Variants in ZNF438 observed in about 807,000 individuals in gnomAD.
The protein encoded by ZNF438 is zinc finger protein 438.
In ZNF438, 25 loss-of-function variants were observed where a neutral mutation model predicts 38.0. The observed-to-expected ratio is 0.66, with a 90% confidence interval of 0.48 to 0.92. ZNF438 has a LOEUF of 0.92. Among genes scored for constraint, ZNF438 ranks in the 40% least tolerant of loss-of-function variants. The pLI is 0.00. For missense variants in ZNF438, 1,007 were observed against 999.6 expected, an observed-to-expected ratio of 1.01 and a Z score of -0.10; for synonymous variants, 372 against 364.1, an observed-to-expected ratio of 1.02 and a Z score of -0.25.
intron 2 of ZNF438, among the ~76,000 whole-genome samples, chr10:30,916,976 A>G (rs2043707793): frequency 6.6e-6 from 1 of 152,076 alleles, no homozygotes; most frequent in African/African-American, 2.4e-5. Flanking sequence ...TGATTTTTAA[A>G]GCTCTTTTTT....
chr10:30,950,655 G>C (rs965795365), intron 1 of ZNF438, among the ~76,000 whole-genome samples: 4 of 148,402 alleles, frequency 2.7e-5, no homozygotes, highest in African/African-American at 1.0e-4. Flanking sequence ...TAGAAGAAAT[G>C]GATAAATTCC....
chr10:30,996,371 T>C (rs1210190250), intron 1 of ZNF438, among the ~76,000 whole-genome samples: 4 of 152,060 alleles, frequency 2.6e-5, no homozygotes, highest in Non-Finnish European at 5.9e-5. Context: ...AGAAGACACA[T>C]TTTAGGTTCA....
intron 1 of ZNF438, among the ~76,000 whole-genome samples, chr10:30,998,542 A>G (rs2054306795): frequency 1.5e-4 from 1 of 6,782 alleles, no homozygotes; most frequent in South Asian, 6.4e-3. Flanking sequence ...GACTGTCTCA[A>G]AAAAAAAAAA....
chr10:30,989,944 A>T (rs2132485906), intron 1 of ZNF438, among the ~76,000 whole-genome samples: 1 of 152,344 alleles, frequency 6.6e-6, no homozygotes, highest in Middle Eastern at 3.4e-3. Flanking sequence ...GCTGAGAGAA[A>T]ACATGATCAC....
intron 1 of ZNF438, among the ~76,000 whole-genome samples, chr10:30,979,001 C>A (rs1414958382): frequency 6.6e-6 from 1 of 151,136 alleles, no homozygotes; most frequent in African/African-American, 2.4e-5. Flanking sequence ...TATGCTAGGG[C>A]CATGAATAAT....
At chr10:30,975,953 A>C (rs1424644211) in intron 1 of ZNF438, among the ~76,000 whole-genome samples, 1 of 152,050 alleles carries the variant, frequency 6.6e-6, no homozygotes. Flanking sequence ...TATTAATGAA[A>C]ACAGAGAAGC....
At chr10:30,869,814 A>G (rs1033211043) in intron 4 of ZNF438, among the ~76,000 whole-genome samples, 4 of 152,226 alleles carry the variant, frequency 2.6e-5, no homozygotes, top group African/African-American at 9.6e-5. Context: ...TGAATATCAC[A>G]TATTTGGAAA....
At chr10:30,856,052 G>A (rs2034570337) in intron 4 of ZNF438, among the ~76,000 whole-genome samples, 1 of 152,218 alleles carries the variant, frequency 6.6e-6, no homozygotes, top group Non-Finnish European at 1.5e-5. Flanking sequence ...TTAAAAAGCA[G>A]TATCTTTTGG....
At chr10:30,940,811 CACAA>C (rs1284173313) in intron 2 of ZNF438, among the ~76,000 whole-genome samples, 4 of 152,120 alleles carry the variant, frequency 2.6e-5, no homozygotes, top group African/African-American at 9.7e-5. Flanking sequence ...AGATTTTTTA[CACAA>C]ACAGTTAATA....
chr10:30,875,337 A>G (rs777369187), intron 4 of ZNF438: 53 of 985,320 alleles, frequency 5.4e-5, no homozygotes, highest in Non-Finnish European at 6.3e-5. Context: ...TCACCTTTTT[A>G]GAGCCTGAAA....
chr10:30,871,367 T>G (rs1039243289), intron 4 of ZNF438, among the ~76,000 whole-genome samples: 2 of 152,214 alleles, frequency 1.3e-5, no homozygotes, highest in Non-Finnish European at 2.9e-5. Flanking sequence ...ACAGGTGTGA[T>G]TGATTTATAA....
exon 5 of ZNF438, chr10:30,848,706 T>A (rs1486626725): frequency 6.2e-7 from 1 of 1,613,998 alleles, no homozygotes; most frequent in Admixed American, 1.7e-5. Flanking sequence ...TCACAACACA[T>A]GAGTTTCTTC....
At chr10:30,956,457 T>G (rs77215923) in intron 1 of ZNF438, among the ~76,000 whole-genome samples, 12 of 152,208 alleles carry the variant, frequency 7.9e-5, no homozygotes, top group Non-Finnish European at 2.9e-5. Context: ...TTTTGAAATA[T>G]GTTATTATTA....
intron 3 of ZNF438, among the ~76,000 whole-genome samples, chr10:30,906,160 A>G (rs747237579): frequency 1.5e-4 from 23 of 152,182 alleles, no homozygotes; most frequent in Admixed American, 3.3e-4. Context: ...GTGTATTACT[A>G]TCTTAACAAT....
At chr10:30,979,592 C>A (rs2051863418) in intron 1 of ZNF438, among the ~76,000 whole-genome samples, 2 of 152,158 alleles carry the variant, frequency 1.3e-5, no homozygotes, top group African/African-American at 4.8e-5. Flanking sequence ...AGAACAGAGG[C>A]CTCAGAAATA....
At chr10:31,013,749 CTT>C (rs2055945946) in intron 1 of ZNF438, among the ~76,000 whole-genome samples, 1 of 152,148 alleles carries the variant, frequency 6.6e-6, no homozygotes, top group Non-Finnish European at 1.5e-5. Flanking sequence ...TCCTTCTCTT[CTT>C]TTACCCCGCT....
At chr10:31,017,771 C>G (rs1258194088) in intron 1 of ZNF438, among the ~76,000 whole-genome samples, 1 of 152,180 alleles carries the variant, frequency 6.6e-6, no homozygotes, top group Non-Finnish European at 1.5e-5. Context: ...ATCCTTCTGA[C>G]CTGACTGATT....
At position 30,848,744 on chromosome 10, in the gene ZNF438, A is replaced by G. The variant is rs146849849; in HGVS notation, c.1661T>C (p.Met554Thr). 130 of 1,614,110 alleles carry G rather than the reference A, an allele frequency of 8.1e-5. No homozygotes were observed. In the African/African-American group the frequency reaches 1.5e-3, roughly 19 times the overall value. The change falls in exon 5 of 6, where the codon ATG becomes ACG. Residue 554 changes from methionine to threonine, a missense_variant. Transcript: ENST00000413025. Reference sequence around the variant, plus strand: ...ACGGTTCTCACCATGATGAAGTTTCATGTGTGTGCTCAGGCTGCCAGGACG... The same window carrying G: ...ACGGTTCTCACCATGATGAAGTTTCGTGTGTGTGCTCAGGCTGCCAGGACG...
intron 3 of ZNF438, among the ~76,000 whole-genome samples, chr10:30,885,574 T>A (rs1027341): frequency 0.78 from 118,358 of 152,148 alleles, 46,806 homozygotes; most frequent in African/African-American, 0.88. Flanking sequence ...AAATTAAGCA[T>A]CTTGCTCAAG....
Sources: allele counts gnomAD v4.1 joint callset (sites outside exome capture counted in the v4.1 genomes callset), GRCh38; gene constraint gnomAD v4.1.1; transcripts MANE v1.5; gene names NCBI Gene and HGNC (gene_info 2026-07-23, HGNC 2026-07-21).